Variants in RALGPS1 observed in about 807,000 individuals in gnomAD.
RALGPS1 encodes the protein Ral GEF with PH domain and SH3 binding motif 1.
RALGPS1 carries 19 observed loss-of-function variants against 78.8 expected under a neutral mutation model. The ratio of observed to expected loss-of-function variants is 0.24; its 90% confidence interval spans 0.17 to 0.35. The LOEUF is 0.35. Ranked by LOEUF, RALGPS1 falls within the 10% of genes least tolerant of loss-of-function variation. The pLI is 1.00. For missense variants in RALGPS1, 454 were observed against 688.3 expected, an observed-to-expected ratio of 0.66 and a Z score of 3.81; for synonymous variants, 228 against 256.3, an observed-to-expected ratio of 0.89 and a Z score of 1.06.
At chr9:127,195,604 A>C (rs987890730) in intron 12 of RALGPS1, among the ~76,000 whole-genome samples, 8 of 152,164 alleles carry the variant, frequency 5.3e-5, no homozygotes, top group Admixed American at 2.0e-4. Flanking sequence ...TCAGTTTCTC[A>C]TGGCATCTGC....
At chr9:126,956,701 G>A (rs1324986535) in intron 1 of RALGPS1, among the ~76,000 whole-genome samples, 4 of 152,132 alleles carry the variant, frequency 2.6e-5, no homozygotes, top group African/African-American at 7.2e-5. Context: ...CCCAGCAGTG[G>A]AAGCCCATGG....
chr9:126,932,194 T>C (rs181179374), intron 1 of RALGPS1, among the ~76,000 whole-genome samples: 1 of 152,176 alleles, frequency 6.6e-6, no homozygotes, highest in African/African-American at 2.4e-5. Flanking sequence ...TGGTACTTGG[T>C]GGTATCTTTC....
intron 4 of RALGPS1, among the ~76,000 whole-genome samples, chr9:126,985,283 G>A (rs180794911): frequency 1.3e-5 from 2 of 152,308 alleles, no homozygotes; most frequent in African/African-American, 4.8e-5. Flanking sequence ...GAACTGACCC[G>A]AAGTCTAGAT....
At chr9:127,209,808 A>G (rs1232702420) in intron 14 of RALGPS1, among the ~76,000 whole-genome samples, 2 of 152,180 alleles carry the variant, frequency 1.3e-5, no homozygotes, top group African/African-American at 4.8e-5. Context: ...ACCCACAGGT[A>G]CTGATGTCAC....
At chr9:127,145,006 AATAATAATAT>A (rs2058017823) in intron 8 of RALGPS1, among the ~76,000 whole-genome samples, 2 of 152,214 alleles carry the variant, frequency 1.3e-5, no homozygotes, top group Non-Finnish European at 1.5e-5. Flanking sequence ...AATAAAAAAT[AATAATAATAT>A]AGGTACTATG....
At chr9:127,195,024 C>A in intron 11 of RALGPS1, 67 bp from the exon 12 acceptor site, 5 of 1,584,826 alleles carry the variant, frequency 3.2e-6, no homozygotes. Flanking sequence ...ACACCTCAAC[C>A]CAGCCTGTGC....
At chr9:126,968,762 T>G (rs1197306684) in intron 3 of RALGPS1, among the ~76,000 whole-genome samples, 1 of 152,162 alleles carries the variant, frequency 6.6e-6, no homozygotes, top group Non-Finnish European at 1.5e-5. Flanking sequence ...AATTTTCTAG[T>G]AATCGTCCGG....
chr9:127,203,771 G>A (rs752569330), intron 14 of RALGPS1, among the ~76,000 whole-genome samples: 56 of 152,228 alleles, frequency 3.7e-4, no homozygotes, highest in Admixed American at 2.5e-3. Flanking sequence ...GCTCAGAGGT[G>A]GCTTCTGGAG....
intron 9 of RALGPS1, among the ~76,000 whole-genome samples, chr9:127,166,838 G>A (rs2059317505): frequency 6.6e-6 from 1 of 152,192 alleles, no homozygotes; most frequent in Admixed American, 6.5e-5. Flanking sequence ...GTGTGTAAGA[G>A]GGATGGAGAA....
At chr9:127,213,360 G>A (rs1469871752) in intron 17 of RALGPS1, among the ~76,000 whole-genome samples, 1 of 152,234 alleles carries the variant, frequency 6.6e-6, no homozygotes, top group African/African-American at 2.4e-5. Context: ...GGATGAGGCA[G>A]GGCCATGAGG....
At chr9:127,063,778 G>A (rs1478611077) in intron 7 of RALGPS1, among the ~76,000 whole-genome samples, 3 of 152,096 alleles carry the variant, frequency 2.0e-5, no homozygotes, top group South Asian at 2.1e-4. Flanking sequence ...ATAGTTTAAC[G>A]TATAGTATTC....
chr9:126,975,399 G>A (rs560158097), intron 3 of RALGPS1, among the ~76,000 whole-genome samples: 7 of 152,322 alleles, frequency 4.6e-5, no homozygotes, highest in African/African-American at 1.7e-4. Flanking sequence ...ACTGGTGGCA[G>A]GATGGAAAGG....
intron 8 of RALGPS1, chr9:127,106,793 T>C (rs2054261259): frequency 1.3e-5 from 2 of 152,272 alleles, no homozygotes; most frequent in Admixed American, 6.5e-5. Context: ...AGCCCCTCTT[T>C]GGAATTAGCA....
intron 8 of RALGPS1, among the ~76,000 whole-genome samples, chr9:127,076,350 A>G (rs2050681146): frequency 6.6e-6 from 1 of 152,252 alleles, no homozygotes. Context: ...AAAAGTAACC[A>G]TAGCAGTGTG....
intron 8 of RALGPS1, among the ~76,000 whole-genome samples, chr9:127,090,903 A>G (rs184948529): frequency 2.0e-5 from 3 of 152,212 alleles, no homozygotes; most frequent in Admixed American, 6.5e-5. Context: ...GCCAGACCAT[A>G]TCTCTGTTTC....
intron 8 of RALGPS1, among the ~76,000 whole-genome samples, chr9:127,160,067 T>C (rs1374166711): frequency 6.6e-6 from 1 of 151,988 alleles, no homozygotes; most frequent in Non-Finnish European, 1.5e-5. Flanking sequence ...CAGACTTGGG[T>C]TGGAAGTGAG....
At chr9:127,131,880 G>T (rs955924290) in intron 8 of RALGPS1, among the ~76,000 whole-genome samples, 1 of 152,152 alleles carries the variant, frequency 6.6e-6, no homozygotes, top group African/African-American at 2.4e-5. Context: ...GAGCTTTTGC[G>T]CTTCAAGATC....
At chr9:127,059,183 C>T (rs1410201191) in intron 7 of RALGPS1, among the ~76,000 whole-genome samples, 1 of 152,122 alleles carries the variant, frequency 6.6e-6, no homozygotes, top group Non-Finnish European at 1.5e-5. Context: ...CCCTTTGCCC[C>T]CTTTGACTGA....
intron 8 of RALGPS1, among the ~76,000 whole-genome samples, chr9:127,127,983 G>A (rs774346882): frequency 7.2e-5 from 11 of 151,946 alleles, no homozygotes; most frequent in Non-Finnish European, 1.5e-4. Context: ...CTGTCAACTC[G>A]TCATTTACAT....
Sources: gnomAD v4.1 joint callset for allele counts (sites outside exome capture counted in the v4.1 genomes callset) on GRCh38, gnomAD v4.1.1 for gene constraint, MANE v1.5 for transcripts, NCBI Gene and HGNC (gene_info 2026-07-23, HGNC 2026-07-21) for gene names.